CSMD1: variants seen among roughly 807,000 people sequenced by gnomAD.
CSMD1 encodes CUB and sushi domain-containing protein 1.
Under a neutral mutation model 417.5 loss-of-function variants are expected in CSMD1, and 213 were observed. The ratio of observed to expected loss-of-function variants is 0.51; its 90% CI spans 0.46 to 0.57. The LOEUF is 0.57. CSMD1 is among the 20% of genes least tolerant of loss of function. The probability of loss-of-function intolerance (pLI) is 0.00; values close to 1 mark genes in which losing one functional copy is unlikely to be tolerated. For missense variants in CSMD1, 6,923 were observed against 4,529.7 expected (o/e 1.53, Z -15.17); for synonymous variants, 2,862 against 1,736.8 (o/e 1.65, Z -16.11).
At chr8:4,100,338 G>A (rs1180377049) in intron 3 of CSMD1, among the ~76,000 whole-genome samples, 1 of 152,106 alleles carries the variant, frequency 6.6e-6, no homozygotes, top group Non-Finnish European at 1.5e-5. Context: ...AATGCCTCGT[G>A]ACTTCTAGAT....
At chr8:4,071,520 G>C (rs142126635) in intron 3 of CSMD1, among the ~76,000 whole-genome samples, 315 of 151,830 alleles carry the variant, frequency 2.1e-3, no homozygotes, top group African/African-American at 7.1e-3. Context: ...ACTTATTTAA[G>C]CATAATTGTA....
chr8:3,559,531 T>C (rs1406643797), intron 10 of CSMD1, among the ~76,000 whole-genome samples: 2 of 151,868 alleles, frequency 1.3e-5, no homozygotes, highest in African/African-American at 2.4e-5. Context: ...AGAGGAAAAA[T>C]GGAAGATGAT....
chr8:4,901,858 C>CATAT (rs139024506), intron 1 of CSMD1, among the ~76,000 whole-genome samples: 2 of 151,880 alleles, frequency 1.3e-5, no homozygotes, highest in South Asian at 4.1e-4. Flanking sequence ...ATGATGATGA[C>CATAT]ATATATATAC....
At position 3,852,269 on chromosome 8, in the gene CSMD1, C is replaced by T. The variant is rs192662397; in HGVS notation, c.819-98227G>A. On this transcript the variant is annotated intron_variant, in intron 5 of 69. Transcript: ENST00000635120. The stretch of plus-strand genomic sequence containing the variant: ...GGGGAGGTGGTAACCATCCTGTAGG[C>T]AGTGGATGCAGCGAACTCCTGCCCC... Among the ~76,000 whole-genome samples the T allele has an allele frequency of 1.6e-4, 25 of 152,186 alleles. No individual in the cohort carries two copies. In the East Asian group the frequency reaches 3.1e-3, roughly 19 times the overall value.
At chr8:4,872,004 G>A (rs1056390207) in intron 1 of CSMD1, among the ~76,000 whole-genome samples, 7 of 152,044 alleles carry the variant, frequency 4.6e-5, no homozygotes, top group Non-Finnish European at 7.4e-5. Context: ...GAAACACATC[G>A]TGCTGATCAT....
rs113886106 is a variant in CSMD1 at position 3,053,337 on chromosome 8, C to G, written c.7475-690G>C. ...TGGAAAGAAAGAAGAAGGGATGAAGCAGCATCTTTATCATCACAATGCTTA... is the reference window on the plus strand; with the variant it reads ...TGGAAAGAAAGAAGAAGGGATGAAGGAGCATCTTTATCATCACAATGCTTA... On this transcript the variant is annotated intron_variant, in intron 49 of 69. Transcript: ENST00000635120. Among the ~76,000 whole-genome samples, 386 of 152,268 alleles carry G rather than the reference C, an allele frequency of 2.5e-3. 1 individual carries two copies. Among genetic ancestry groups the G allele is most frequent in the African/African-American group, 8.8e-3 (367 of 41,564 alleles).
At chr8:3,817,879 G>A (rs1280646957) in intron 5 of CSMD1, among the ~76,000 whole-genome samples, 1 of 152,084 alleles carries the variant, frequency 6.6e-6, no homozygotes, top group Non-Finnish European at 1.5e-5. Flanking sequence ...TTCACACTAA[G>A]GACATTCTTG....
At chr8:2,958,062 G>A (rs1292050769) in intron 62 of CSMD1, among the ~76,000 whole-genome samples, 1 of 152,096 alleles carries the variant, frequency 6.6e-6, no homozygotes, top group African/African-American at 2.4e-5. Flanking sequence ...AAGAAATTAT[G>A]CCTTTTCTGT....
In CSMD1 at chr8:3,685,834, C is replaced by T. The variant is rs183619458; in HGVS notation, c.1009+22580G>A. The stretch of plus-strand genomic sequence containing the variant: ...CATGAGATGTTTTGACACAGGCATG[C>T]GACGTAAAATAATCACATCATGGAG... On this transcript the variant is annotated intron_variant, in intron 7 of 69. Transcript: ENST00000635120. Among the ~76,000 whole-genome samples the T allele has an allele frequency of 1.9e-4, 29 of 151,996 alleles. No homozygotes were observed. In the South Asian group the frequency reaches 3.3e-3, roughly 17 times the overall value.
intron 26 of CSMD1, 40 bp downstream of exon 26, chr8:3,284,102 CTT>C (rs1165034549): frequency 2.1e-6 from 3 of 1,437,618 alleles, no homozygotes; most frequent in African/African-American, 2.8e-5. Context: ...CATGACAAGA[CTT>C]TGATATCAAG....
intron 1 of CSMD1, among the ~76,000 whole-genome samples, chr8:4,955,615 C>T (rs1809047761): frequency 6.6e-6 from 1 of 152,028 alleles, no homozygotes; most frequent in African/African-American, 2.4e-5. Context: ...ACCACTACAC[C>T]CGGCTAATTT....
chr8:4,610,704 A>G (rs1049698485), intron 2 of CSMD1, among the ~76,000 whole-genome samples: 11 of 152,226 alleles, frequency 7.2e-5, no homozygotes, highest in African/African-American at 1.7e-4. Context: ...AGTAGGTTTT[A>G]TGGTTGTAAC....
intron 4 of CSMD1, among the ~76,000 whole-genome samples, chr8:4,018,930 C>A (rs145282143): frequency 1.3e-5 from 2 of 152,262 alleles, no homozygotes; most frequent in East Asian, 3.9e-4. Context: ...ATAACAAGAA[C>A]ATACGTAAGG....
At chr8:3,373,371 G>T (rs1033479578) in intron 18 of CSMD1, 2 of 152,220 alleles carry the variant, frequency 1.3e-5, no homozygotes, top group Non-Finnish European at 2.9e-5. Flanking sequence ...GAAAGTTAGA[G>T]ATAAAGCTGC....
intron 49 of CSMD1, among the ~76,000 whole-genome samples, chr8:3,084,872 T>A (rs1814408656): frequency 6.6e-6 from 1 of 151,910 alleles, no homozygotes; most frequent in Admixed American, 6.6e-5. Context: ...ACTTTAATGT[T>A]CAAAAATCCT....
intron 1 of CSMD1, among the ~76,000 whole-genome samples, chr8:4,754,602 A>G (rs2117064831): frequency 6.6e-6 from 1 of 151,528 alleles, no homozygotes; most frequent in East Asian, 1.9e-4. Flanking sequence ...CTGTAATCCT[A>G]GAACTTTGGG....
chr8:4,637,018 T>A (rs1041019551), intron 2 of CSMD1, among the ~76,000 whole-genome samples: 2 of 152,008 alleles, frequency 1.3e-5, no homozygotes, highest in Non-Finnish European at 2.9e-5. Context: ...GGCATTCCTA[T>A]AGGACAGAAA....
chr8:4,471,611 C>T (rs1386085717), intron 2 of CSMD1, among the ~76,000 whole-genome samples: 1 of 152,050 alleles, frequency 6.6e-6, no homozygotes, highest in Admixed American at 6.6e-5. Flanking sequence ...CAACCCAGAA[C>T]ATTACACCTA....
intron 3 of CSMD1, among the ~76,000 whole-genome samples, chr8:4,213,800 A>T (rs1418025526): frequency 6.6e-6 from 1 of 152,158 alleles, no homozygotes; most frequent in Non-Finnish European, 1.5e-5. Context: ...ACGCAAACTA[A>T]CTTGCATTGA....
Sources: allele counts gnomAD v4.1 joint callset (sites outside exome capture counted in the v4.1 genomes callset), GRCh38; gene constraint gnomAD v4.1.1; transcripts MANE v1.5; gene names NCBI Gene and HGNC (gene_info 2026-07-23, HGNC 2026-07-21).